The following GSKIP variants were observed in gnomAD, a reference collection of about 807,000 sequenced individuals.
The protein encoded by GSKIP is GSK3B interacting protein, also known as GSK3B-interacting protein.
GSKIP carries 5 observed loss-of-function variants against 11.9 expected under a neutral mutation model. The observed-to-expected ratio is 0.42, with a 90% CI of 0.22 to 0.89. GSKIP has a LOEUF of 0.89. Ranked by LOEUF, GSKIP falls within the 40% of genes least tolerant of loss-of-function variation. The pLI, the probability that GSKIP is intolerant of heterozygous loss-of-function variation, is 0.29. For missense variants in GSKIP, 150 were observed against 166.6 expected, an observed-to-expected ratio of 0.90 and a Z score of 0.55; for synonymous variants, 70 against 62.9, an observed-to-expected ratio of 1.11 and a Z score of -0.54.
At chr14:96,368,368 C>T (rs1888955940) in intron 1 of GSKIP, among the ~76,000 whole-genome samples, 1 of 152,078 alleles carries the variant, frequency 6.6e-6, no homozygotes, top group Non-Finnish European at 1.5e-5. Flanking sequence ...CAGGGTTTCA[C>T]CATGTTGCCC....
Position 96,382,346 on chromosome 14 carries a change from G to A in GSKIP, c.99G>A (p.Met33Ile). The A allele has an allele frequency of 6.2e-7, 1 of 1,613,898 alleles. No homozygotes were observed. The highest frequency in any genetic ancestry group is 8.5e-7 in the Non-Finnish European group (1 of 1,179,904). Residue 33 changes from methionine to isoleucine, a missense_variant, in exon 3 of 4, where the codon ATG becomes ATA. Physicochemically the swap from Met to Ile is conservative, Grantham distance 10. Transcript: ENST00000555181. ...NGFEGTDMKD[M>I]RLEAEAVVND... ...TTGAAGGAACTGACATGAAAGACAT[G>A]AGGCTCGAAGCTGAAGCAGTTGTAA...
intron 1 of GSKIP, among the ~76,000 whole-genome samples, chr14:96,373,634 TG>T (rs1889116656): frequency 6.6e-6 from 1 of 152,060 alleles, no homozygotes; most frequent in East Asian, 1.9e-4. Flanking sequence ...AACAGTTTTC[TG>T]AGCTAAAGCA....
In GSKIP at chr14:96,382,289, A is replaced by C. The variant is rs769176643; in HGVS notation, c.42A>C (p.Ser14=). The C allele has an allele frequency of 1.2e-5, 19 of 1,611,570 alleles. No homozygotes were observed. In the Middle Eastern group the frequency reaches 4.9e-4, roughly 42 times the overall value. Reference sequence around the variant, plus strand: ...ATCCCATGGAGCTAAGCAGTATGTCAGGATTTGAAGAAGGTTCAGAGCTGA... The same window carrying C: ...ATCCCATGGAGCTAAGCAGTATGTCCGGATTTGAAGAAGGTTCAGAGCTGA... ...DCNPMELSSM[S]GFEEGSELNG... The change falls in exon 3 of 4, where the codon TCA becomes TCC. Residue 14 remains serine (S), a synonymous_variant. Coordinates refer to ENST00000555181, the MANE Select transcript of GSKIP (RefSeq NM_016472.5).
At chr14:96,380,807 C>T (rs1278540981) in intron 2 of GSKIP, among the ~76,000 whole-genome samples, 1 of 152,164 alleles carries the variant, frequency 6.6e-6, no homozygotes, top group Non-Finnish European at 1.5e-5. Context: ...GGCTATAGTG[C>T]ACAGTGATCA....
intron 3 of GSKIP, among the ~76,000 whole-genome samples, chr14:96,384,124 T>G (rs1313595780): frequency 1.3e-5 from 2 of 152,224 alleles, no homozygotes; most frequent in Non-Finnish European, 2.9e-5. Context: ...GAACCATATG[T>G]AAAACCTGAC....
chr14:96,364,737 A>T (rs1208115116), intron 1 of GSKIP: 1 of 152,216 alleles, frequency 6.6e-6, no homozygotes, highest in Non-Finnish European at 1.5e-5. Flanking sequence ...CATTAAATGA[A>T]AGTCACCACA....
rs1366791694 is a variant in GSKIP at position 96,385,607 on chromosome 14, AG to A, written c.344del (p.Ser115ThrfsTer19). 3.1e-6 allele frequency: 5 copies of A among 1,613,594 alleles called. No individual in the cohort carries two copies. Among genetic ancestry groups the A allele is most frequent in the Admixed American group, 1.7e-5 (1 of 60,012 alleles). On this transcript the variant is annotated frameshift_variant, in exon 4 of 4. Transcript: ENST00000555181. LOFTEE classifies it high-confidence loss of function. ...ETVYSLLDTLSPAYREAFGNA... is the reference protein window; with the variant it reads ...ETVYSLLDTLXPAYREAFGNA... ...AGTCTACTCCTTGTTGGATACACTC[AG>A]CCCCGCCTACCGAGAAGCATTTGGA...
intron 2 of GSKIP, chr14:96,380,413 T>A (rs915220969): frequency 6.6e-6 from 1 of 152,226 alleles, no homozygotes; most frequent in African/African-American, 2.4e-5. Context: ...AGATTTTTGC[T>A]GATAATTTAG....
chr14:96,380,548 A>C (rs1028342102), intron 2 of GSKIP, among the ~76,000 whole-genome samples: 4 of 152,234 alleles, frequency 2.6e-5, no homozygotes, highest in Non-Finnish European at 2.9e-5. Flanking sequence ...TCTTACAGGT[A>C]ATTCTAATGA....
rs539330597 is a variant in GSKIP at position 96,380,474 on chromosome 14, G to T, written c.-2+686G>T. Among the ~76,000 whole-genome samples the T allele has an allele frequency of 1.3e-4, 20 of 152,234 alleles. No individual in the cohort carries two copies. In the East Asian group the frequency reaches 3.5e-3, roughly 26 times the overall value. On this transcript the variant is annotated intron_variant, in intron 2 of 3. Transcript: ENST00000555181. ...TCAGGAGCTCTGAAAAAAATAACTC[G>T]TCTTCCAGAGATTTTGATTTTGTTT...
rs182057181 is a variant in GSKIP, at chr14:96,377,190, A to G, written c.-102-2498A>G. Among the ~76,000 whole-genome samples the G allele has an allele frequency of 1.2e-4, 19 of 152,362 alleles. No individual in the cohort carries two copies. The East Asian group carries it at 3.7e-3, about 29-fold the overall frequency. ...ATTTTTAATTCAATTTCTCCATCAC[A>G]GTAGCCAAACTTCAGATGGCTATTA... is the stretch of plus-strand genomic sequence containing the variant. On this transcript the variant is annotated intron_variant, in intron 1 of 3. Coordinates refer to ENST00000555181, the MANE Select transcript of GSKIP (RefSeq NM_016472.5).
At chr14:96,370,557 C>CT (rs1404450121) in intron 1 of GSKIP, among the ~76,000 whole-genome samples, 2 of 149,344 alleles carry the variant, frequency 1.3e-5, no homozygotes, top group Non-Finnish European at 3.0e-5. Flanking sequence ...GGCCCGGTGT[C>CT]TTTCTCCCAG....
chr14:96,369,909 A>T (rs897517575), intron 1 of GSKIP, among the ~76,000 whole-genome samples: 3 of 152,096 alleles, frequency 2.0e-5, no homozygotes, highest in African/African-American at 7.2e-5. Context: ...GTGCACCCTC[A>T]TCCTGGAAAA....
At chr14:96,363,996 C>T (rs1888784808) in intron 1 of GSKIP, 1 of 152,314 alleles carries the variant, frequency 6.6e-6, no homozygotes, top group Non-Finnish European at 1.5e-5. Context: ...CGCATACGCT[C>T]GCTTAATCCT....
chr14:96,366,541 C>G (rs574565886), intron 1 of GSKIP, among the ~76,000 whole-genome samples: 1 of 151,872 alleles, frequency 6.6e-6, no homozygotes, highest in Non-Finnish European at 1.5e-5. Context: ...TGTGTTTTGT[C>G]AAAGACAAAG....
chr14:96,381,183 C>T (rs978024463), intron 2 of GSKIP, among the ~76,000 whole-genome samples: 2 of 152,310 alleles, frequency 1.3e-5, no homozygotes, highest in Non-Finnish European at 2.9e-5. Flanking sequence ...CAAATTTTAA[C>T]AATACATATA....
At chr14:96,367,579 T>C (rs1888922504) in intron 1 of GSKIP, among the ~76,000 whole-genome samples, 1 of 152,256 alleles carries the variant, frequency 6.6e-6, no homozygotes, top group Non-Finnish European at 1.5e-5. Context: ...TATATGACTG[T>C]CTTTGCCCAT....
chr14:96,384,921 C>G (rs1476635247), intron 3 of GSKIP: 5 of 151,726 alleles, frequency 3.3e-5, no homozygotes, highest in Non-Finnish European at 7.4e-5. Context: ...TTTCAGATTA[C>G]TAATAATAAA....
chr14:96,376,107 G>A (rs1450245916), intron 1 of GSKIP, among the ~76,000 whole-genome samples: 1 of 152,186 alleles, frequency 6.6e-6, no homozygotes, highest in Non-Finnish European at 1.5e-5. Context: ...AATTAAAAGA[G>A]GTTGCCAGAT....
Sources: gnomAD v4.1 joint callset for allele counts (sites outside exome capture counted in the v4.1 genomes callset) on GRCh38, gnomAD v4.1.1 for gene constraint, MANE v1.5 for transcripts, NCBI Gene and HGNC (gene_info 2026-07-23, HGNC 2026-07-21) for gene names.